The following ANK2 variants were observed in gnomAD, a reference collection of about 807,000 sequenced individuals.
ANK2 encodes the protein ankyrin-2.
ANK2 carries 83 observed loss-of-function variants against 360.5 expected under a neutral mutation model. That is an observed-to-expected ratio of 0.23 (90% CI 0.19 to 0.28). ANK2 has a LOEUF of 0.28. Among genes scored for constraint, ANK2 ranks in the 10% least tolerant of loss-of-function variants. The pLI is 1.00. For missense variants in ANK2, 4,201 were observed against 4,795.7 expected, an observed-to-expected ratio of 0.88 and a Z score of 3.66; for synonymous variants, 1,740 against 1,759.5, an observed-to-expected ratio of 0.99 and a Z score of 0.28.
intron 2 of ANK2, among the ~76,000 whole-genome samples, chr4:112,962,717 C>T (rs1289425427): frequency 6.6e-6 from 1 of 152,116 alleles, no homozygotes; most frequent in African/African-American, 2.4e-5. Context: ...TAAGCCCTAC[C>T]ACCAAGCCTA....
At chr4:112,983,394 A>T (rs2154273934) in intron 2 of ANK2, among the ~76,000 whole-genome samples, 1 of 148,772 alleles carries the variant, frequency 6.7e-6, no homozygotes, top group African/African-American at 2.5e-5. Context: ...AAAAAAAAAG[A>T]GGCCGGGCGC....
At chr4:113,156,460 T>C (rs1369101114) in intron 1 of ANK2, among the ~76,000 whole-genome samples, 2 of 145,300 alleles carry the variant, frequency 1.4e-5, no homozygotes, top group African/African-American at 2.5e-5. Flanking sequence ...AACCTCCGCC[T>C]CCCGGGCTCA....
At chr4:113,038,094 ATC>A (rs1414762129) in intron 2 of ANK2, among the ~76,000 whole-genome samples, 9 of 151,906 alleles carry the variant, frequency 5.9e-5, no homozygotes, top group Non-Finnish European at 1.3e-4. Flanking sequence ...TTTTTTAATT[ATC>A]TTTTTTTTGT....
chr4:113,186,848 G>C (rs2098539060), intron 2 of ANK2, among the ~76,000 whole-genome samples: 1 of 152,166 alleles, frequency 6.6e-6, no homozygotes, highest in African/African-American at 2.4e-5. Context: ...GGCATGATCA[G>C]AGCAACTGTC....
intron 1 of ANK2, among the ~76,000 whole-genome samples, chr4:113,054,456 G>A (rs1168363816): frequency 6.6e-6 from 1 of 152,106 alleles, no homozygotes; most frequent in Non-Finnish European, 1.5e-5. Flanking sequence ...CATATTAAAA[G>A]GTTTATTTTT....
the ANK2 span, among the ~76,000 whole-genome samples, chr4:112,708,706 C>G: frequency 6.6e-6 from 1 of 152,112 alleles, no homozygotes; most frequent in Non-Finnish European, 1.5e-5. Context: ...GGGTCCTTTC[C>G]ATGTTATTTA....
intron 2 of ANK2, among the ~76,000 whole-genome samples, chr4:113,021,517 T>TAC (rs1175622012): frequency 1.9e-3 from 102 of 52,976 alleles, no homozygotes; most frequent in African/African-American, 2.8e-3. Context: ...TGTGTATATA[T>TAC]ACACACACAC....
intron 45 of ANK2, among the ~76,000 whole-genome samples, chr4:113,376,618 G>T (rs188512665): frequency 6.6e-6 from 1 of 152,058 alleles, no homozygotes; most frequent in South Asian, 2.1e-4. Context: ...TTAGCTTACT[G>T]TAACTCTTTG....
At chr4:112,738,732 A>T in the ANK2 span, 1 of 618,362 alleles carries the variant, frequency 1.6e-6, no homozygotes, top group Non-Finnish European at 3.0e-6. Context: ...CAAGAAGTTC[A>T]TCCGGCACCA....
chr4:113,315,846 A>G lies in ANK2; in HGVS notation c.2694-1861A>G, dbSNP rs537570665. Among the ~76,000 whole-genome samples the G allele has an allele frequency of 4.0e-3, 578 of 144,712 alleles. 10 individuals are homozygous for G. The highest frequency in any genetic ancestry group is 0.026 in the Admixed American group (367 of 13,964). The allele number at this position is 144,712 out of a possible 152,430, so 94.9% of individuals were successfully genotyped here. ...TGGGAGGCGGAGCTTGCACTGAGCC[A>G]CGATCGCGCCACTGCACTCCAGCCT... On this transcript the variant is annotated intron_variant, in intron 24 of 45. Transcript: ENST00000357077.
At chr4:113,251,475 C>G in intron 10 of ANK2, among the ~76,000 whole-genome samples, 1 of 88,120 alleles carries the variant, frequency 1.1e-5, no homozygotes, top group East Asian at 3.6e-4. Flanking sequence ...AATACAAAAT[C>G]TTTTTTTTTT....
At chr4:113,342,988 T>C in intron 33 of ANK2, 29 bp from the exon 34 acceptor site, 1 of 1,613,412 alleles carries the variant, frequency 6.2e-7, no homozygotes, top group Non-Finnish European at 8.5e-7. Context: ...GCAGCTACTT[T>C]ATTGTTATTT....
chr4:112,764,736 T>C, the ANK2 span, among the ~76,000 whole-genome samples: 1 of 151,188 alleles, frequency 6.6e-6, no homozygotes, highest in Non-Finnish European at 1.5e-5. Context: ...AGACGGAGTT[T>C]CATTCTTTTT....
chr4:112,918,609 G>A (rs1305240880), intron 2 of ANK2, among the ~76,000 whole-genome samples: 5 of 152,118 alleles, frequency 3.3e-5, no homozygotes, highest in African/African-American at 9.7e-5. Context: ...GGGGAATGAT[G>A]CCACACTCTA....
intron 1 of ANK2, among the ~76,000 whole-genome samples, chr4:112,856,667 G>T (rs1226259482): frequency 1.3e-5 from 2 of 152,248 alleles, no homozygotes; most frequent in Non-Finnish European, 2.9e-5. Flanking sequence ...GGCAGAGGTT[G>T]CAGTGAGCCA....
At chr4:112,774,308 C>T in the ANK2 span, among the ~76,000 whole-genome samples, 1 of 151,978 alleles carries the variant, frequency 6.6e-6, no homozygotes, top group African/African-American at 2.4e-5. Flanking sequence ...GGGTGGATCA[C>T]GAGGTCAGGA....
chr4:112,735,798 C>G, the ANK2 span, among the ~76,000 whole-genome samples: 1 of 152,122 alleles, frequency 6.6e-6, no homozygotes, highest in Non-Finnish European at 1.5e-5. Context: ...AATTTTTCAT[C>G]TTACAAAACT....
chr4:112,874,064 A>T (rs567218174), intron 1 of ANK2, among the ~76,000 whole-genome samples: 99 of 150,626 alleles, frequency 6.6e-4, no homozygotes, highest in African/African-American at 2.2e-3. Context: ...ACACACACAA[A>T]AGCTCTTGGG....
intron 1 of ANK2, among the ~76,000 whole-genome samples, chr4:113,121,844 T>C (rs1473400319): frequency 6.8e-6 from 1 of 146,988 alleles, no homozygotes; most frequent in Non-Finnish European, 1.5e-5. Context: ...ATTTCTAGGA[T>C]AGGCTTTGGG....
Sources: allele counts gnomAD v4.1 joint callset (sites outside exome capture counted in the v4.1 genomes callset), GRCh38; gene constraint gnomAD v4.1.1; transcripts MANE v1.5; gene names NCBI Gene and HGNC (gene_info 2026-07-23, HGNC 2026-07-21).